The following NHEJ1 variants were observed in gnomAD, a reference collection of about 807,000 sequenced individuals.
NHEJ1 encodes non-homologous end joining factor 1.
A neutral mutation model predicts 39.4 loss-of-function variants in NHEJ1; 22 were observed. The ratio of observed to expected loss-of-function variants is 0.56; its 90% CI spans 0.40 to 0.80. The LOEUF is 0.80. Among genes scored for constraint, NHEJ1 ranks in the 30% least tolerant of loss-of-function variants. NHEJ1 has a pLI of 0.00. For missense variants in NHEJ1, 329 were observed against 357.1 expected, an observed-to-expected ratio of 0.92 and a Z score of 0.63; for synonymous variants, 154 against 135.6, an observed-to-expected ratio of 1.14 and a Z score of -0.94.
At chr2:219,107,196 C>T (rs1006457653) in intron 5 of NHEJ1, among the ~76,000 whole-genome samples, 16 of 152,166 alleles carry the variant, frequency 1.1e-4, no homozygotes, top group African/African-American at 3.9e-4. Context: ...TATATAACTG[C>T]TAATGATCTG....
rs968963655 is a variant in NHEJ1, at chr2:219,074,041, G to A, written c.*2340C>T. On this transcript the variant is annotated 3_prime_UTR_variant, in exon 8 of 8. Transcript: ENST00000356853. The stretch of plus-strand genomic sequence containing the variant: ...TCTCAACCACTACCCCTAGCTTTGC[G>A]GGGTAAGGGCTTCGGGGCAAGAATG... 1.3e-5 allele frequency among the ~76,000 whole-genome samples: 2 copies of A among 152,212 alleles called. No homozygotes were observed. Among genetic ancestry groups the A allele is most frequent in the Non-Finnish European group, 2.9e-5 (2 of 68,046 alleles).
chr2:219,118,577 G>A (rs975625915), intron 5 of NHEJ1, among the ~76,000 whole-genome samples: 4 of 152,186 alleles, frequency 2.6e-5, no homozygotes, highest in African/African-American at 9.7e-5. Flanking sequence ...TTTCTCGGGT[G>A]AAACACGCCT....
At chr2:219,150,819 G>C (rs1168799682) in intron 3 of NHEJ1, among the ~76,000 whole-genome samples, 1 of 152,132 alleles carries the variant, frequency 6.6e-6, no homozygotes, top group African/African-American at 2.4e-5. Context: ...AGCTGGGCAT[G>C]GTGGCGGGTG....
At chr2:219,112,779 C>T (rs1004727956) in intron 5 of NHEJ1, among the ~76,000 whole-genome samples, 5 of 152,144 alleles carry the variant, frequency 3.3e-5, no homozygotes, top group Admixed American at 6.5e-5. Flanking sequence ...CCTGAAACTT[C>T]GCCCTCTTTT....
intron 5 of NHEJ1, among the ~76,000 whole-genome samples, chr2:219,107,854 A>G (rs550318025): frequency 6.6e-6 from 1 of 152,016 alleles, no homozygotes; most frequent in African/African-American, 2.4e-5. Context: ...CCACATACGA[A>G]CTTCTTGTTC....
In NHEJ1 at chr2:219,153,694, G is replaced by GC. The variant is rs200816471; in HGVS notation, c.390+3777_390+3778insG. ...ATCTCAAAAGAAAAAGAAAGAAAAGGGGGGGGGGGTGGAGAGAGAGAGAGA... is the reference window on the plus strand; with the variant it reads ...ATCTCAAAAGAAAAAGAAAGAAAAGGCGGGGGGGGGTGGAGAGAGAGAGAGA... On this transcript the variant is annotated intron_variant, in intron 3 of 7. Coordinates refer to ENST00000356853, the MANE Select transcript of NHEJ1 (RefSeq NM_024782.3). Among the ~76,000 whole-genome samples, 249 of 67,248 alleles carry GC rather than the reference G, an allele frequency of 3.7e-3. 8 individuals carry two copies. In the East Asian group the frequency reaches 0.076, roughly 20 times the overall value. 44.1% of individuals were successfully genotyped at this position (67,248 alleles called of 152,430 possible).
chr2:219,151,916 C>T (rs1467639888), intron 3 of NHEJ1, among the ~76,000 whole-genome samples: 3 of 151,956 alleles, frequency 2.0e-5, no homozygotes, highest in South Asian at 2.1e-4. Flanking sequence ...TGCAGTGAGC[C>T]GAGATCATGC....
chr2:219,160,216 G>A (rs1949918384), intron 1 of NHEJ1, among the ~76,000 whole-genome samples: 1 of 152,134 alleles, frequency 6.6e-6, no homozygotes, highest in Non-Finnish European at 1.5e-5. Context: ...CCTCAGCAGT[G>A]ACCCCTCTGG....
intron 5 of NHEJ1, among the ~76,000 whole-genome samples, chr2:219,081,684 A>G (rs1442140548): frequency 6.6e-6 from 1 of 152,206 alleles, no homozygotes; most frequent in African/African-American, 2.4e-5. Context: ...ATAGGCAGAC[A>G]TATGTTGTTT....
intron 5 of NHEJ1, among the ~76,000 whole-genome samples, chr2:219,103,501 C>T (rs1039885957): frequency 6.6e-6 from 1 of 152,118 alleles, no homozygotes; most frequent in African/African-American, 2.4e-5. Flanking sequence ...GTCTCCATCT[C>T]CTGACCTCAA....
intron 5 of NHEJ1, chr2:219,095,209 C>T (rs879187933): frequency 3.6e-5 from 16 of 446,090 alleles, no homozygotes; most frequent in East Asian, 1.4e-4. Flanking sequence ...GCCTAACTAC[C>T]GACGTGGCTT....
intron 5 of NHEJ1, among the ~76,000 whole-genome samples, chr2:219,105,523 A>T (rs1227983553): frequency 1.3e-5 from 2 of 152,250 alleles, no homozygotes; most frequent in Non-Finnish European, 2.9e-5. Context: ...TGCCTCTAGA[A>T]CAGTGACTGG....
At chr2:219,091,096 G>C (rs1949156097) in intron 5 of NHEJ1, among the ~76,000 whole-genome samples, 1 of 152,118 alleles carries the variant, frequency 6.6e-6, no homozygotes, top group Middle Eastern at 3.2e-3. Flanking sequence ...TGGGGGTAGA[G>C]ACATGGCCAC....
chr2:219,086,857 G>A (rs533936392), intron 5 of NHEJ1, among the ~76,000 whole-genome samples: 1 of 152,238 alleles, frequency 6.6e-6, no homozygotes, highest in South Asian at 2.1e-4. Context: ...AGACTGAGCT[G>A]TGACCCTCTG....
chr2:219,150,829 G>A (rs1949788346), intron 3 of NHEJ1, among the ~76,000 whole-genome samples: 1 of 152,016 alleles, frequency 6.6e-6, no homozygotes, highest in South Asian at 2.1e-4. Context: ...GGTGGCGGGT[G>A]CCTGTAATTC....
intron 3 of NHEJ1, among the ~76,000 whole-genome samples, chr2:219,154,188 A>T (rs1247733153): frequency 6.6e-6 from 1 of 152,196 alleles, no homozygotes; most frequent in African/African-American, 2.4e-5. Context: ...CATCAAGTGA[A>T]GCAGTGGGTA....
At chr2:219,137,570 C>CAAAAAAA (rs58279021) in intron 5 of NHEJ1, among the ~76,000 whole-genome samples, 448 of 34,684 alleles carry the variant, frequency 0.013, 12 homozygotes, top group Middle Eastern at 0.023. Context: ...GTGTTACAGG[C>CAAAAAAA]AAAAAAAAAA....
chr2:219,115,051 TA>T (rs1949398240), intron 5 of NHEJ1, among the ~76,000 whole-genome samples: 1 of 152,126 alleles, frequency 6.6e-6, no homozygotes, highest in African/African-American at 2.4e-5. Flanking sequence ...TGTTCAATGC[TA>T]ACCACTTGAA....
In NHEJ1 at chr2:219,076,161, A is replaced by G. The variant is rs1949011272; in HGVS notation, c.*220T>C. The G allele has an allele frequency of 9.9e-7, 1 of 1,006,900 alleles. No homozygotes were observed. The highest frequency in any genetic ancestry group is 2.6e-5 in the East Asian group (1 of 38,378). The allele number at this position is 1,006,900 out of a possible 1,614,324, so 62.4% of individuals were successfully genotyped here. ...CTGAACCTACAGAACCTCCACCAAA[A>G]GAGAGGAGAGCACGGGATTCTCAGA... On this transcript the variant is annotated 3_prime_UTR_variant, in exon 8 of 8. Coordinates refer to ENST00000356853, the MANE Select transcript of NHEJ1 (RefSeq NM_024782.3).
Sources: allele counts gnomAD v4.1 joint callset (sites outside exome capture counted in the v4.1 genomes callset), GRCh38; gene constraint gnomAD v4.1.1; transcripts MANE v1.5; gene names NCBI Gene and HGNC (gene_info 2026-07-23, HGNC 2026-07-21).